Variants in AP1G1 observed in about 807,000 individuals in gnomAD.
The protein encoded by AP1G1 is adaptor related protein complex 1 subunit gamma 1, also known as AP-1 complex subunit gamma-1.
Under a neutral mutation model 108.3 loss-of-function variants are expected in AP1G1, and 7 were observed. The ratio of observed to expected loss-of-function variants is 0.06; its 90% CI spans 0.04 to 0.12. AP1G1 has a LOEUF of 0.12. AP1G1 is among the 10% of genes least tolerant of loss of function. The pLI is 1.00. For synonymous variants in AP1G1, 379 were observed against 353.5 expected, an observed-to-expected ratio of 1.07 and a Z score of -0.81; for missense variants, 756 against 1,010.7, an observed-to-expected ratio of 0.75 and a Z score of 3.42.
At chr16:71,779,993 TTG>T (rs2031945553) in intron 2 of AP1G1, among the ~76,000 whole-genome samples, 2 of 147,892 alleles carry the variant, frequency 1.4e-5, no homozygotes, top group African/African-American at 5.1e-5. Flanking sequence ...CAGTTTTTTT[TTG>T]TTTTTTTTTT....
rs1177153914 is a variant in AP1G1 at position 71,808,802 on chromosome 16, G to T, written c.-43C>A. On this transcript the variant is annotated 5_prime_UTR_variant, in exon 1 of 23. Coordinates refer to ENST00000299980, the MANE Select transcript of AP1G1 (RefSeq NM_001128.6). ...GAATGAAACCAGCAGCTCCGGGGGC[G>T]GCGGCAGCAGTGGCAGCAGGAACCG... is the stretch of plus-strand genomic sequence containing the variant. The T allele has an allele frequency of 1.0e-5, 13 of 1,289,712 alleles. No homozygotes were observed. Among genetic ancestry groups the T allele is most frequent in the African/African-American group, 3.0e-5 (2 of 65,992 alleles). 79.9% of individuals were successfully genotyped at this position (1,289,712 alleles called of 1,614,324 possible).
intron 19 of AP1G1, chr16:71,743,177 T>C (rs1483216664): frequency 6.6e-6 from 1 of 152,168 alleles, no homozygotes; most frequent in African/African-American, 2.4e-5. Flanking sequence ...CAGTACAGCT[T>C]TGACATTTGA....
chr16:71,805,317 G>A lies in AP1G1; in HGVS notation c.-4+3446C>T, dbSNP rs559262297. On this transcript the variant is annotated intron_variant, in intron 1 of 22. Transcript: ENST00000299980. ...ACAAAAATTAGCTGGGCATGGTGGC[G>A]CACGCTTGTAATCCCAGCTACTCGG... 6.6e-5 allele frequency among the ~76,000 whole-genome samples: 10 copies of A among 151,910 alleles called. No homozygotes were observed. In the East Asian group the frequency reaches 1.4e-3, roughly 21 times the overall value.
At chr16:71,769,569 C>A in intron 6 of AP1G1, 54 bp downstream of exon 6, 1 of 1,492,556 alleles carries the variant, frequency 6.7e-7, no homozygotes, top group Non-Finnish European at 9.3e-7. Flanking sequence ...ATGTACTTTT[C>A]AGGAAAATCA....
chr16:71,764,299 C>A, intron 9 of AP1G1, 51 bp downstream of exon 9: 1 of 1,113,708 alleles, frequency 9.0e-7, no homozygotes, highest in Non-Finnish European at 1.3e-6. Context: ...CCAAGTCAAC[C>A]ATTCTAAGTG....
intron 22 of AP1G1, among the ~76,000 whole-genome samples, chr16:71,733,624 C>G (rs1163552736): frequency 1.3e-5 from 2 of 152,106 alleles, no homozygotes; most frequent in African/African-American, 4.8e-5. Flanking sequence ...CCTCAGCCTC[C>G]TAAAATGCTG....
At chr16:71,739,913 A>G (rs1279048818) in intron 19 of AP1G1, among the ~76,000 whole-genome samples, 1 of 152,208 alleles carries the variant, frequency 6.6e-6, no homozygotes, top group Non-Finnish European at 1.5e-5. Flanking sequence ...GCAAGTCACA[A>G]AAGAGGAAAC....
intron 2 of AP1G1, among the ~76,000 whole-genome samples, chr16:71,778,651 C>A: frequency 6.8e-6 from 1 of 147,486 alleles, no homozygotes; most frequent in East Asian, 2.0e-4. Flanking sequence ...CCACTGCCCT[C>A]CAGCCAGGGC....
At chr16:71,785,969 C>G (rs1201716418) in intron 2 of AP1G1, among the ~76,000 whole-genome samples, 2 of 152,064 alleles carry the variant, frequency 1.3e-5, no homozygotes. Flanking sequence ...AGATATGAAC[C>G]TTTTAAAGGC....
At chr16:71,803,501 T>C (rs574748213) in intron 1 of AP1G1, among the ~76,000 whole-genome samples, 20 of 152,308 alleles carry the variant, frequency 1.3e-4, no homozygotes, top group Non-Finnish European at 2.2e-4. Context: ...ACTCAACACA[T>C]TTGGCAAGTG....
At chr16:71,776,137 G>A (rs887189827) in intron 2 of AP1G1, among the ~76,000 whole-genome samples, 3 of 152,172 alleles carry the variant, frequency 2.0e-5, no homozygotes, top group African/African-American at 4.8e-5. Context: ...CTAAAATCAC[G>A]TGAGACTACT....
chr16:71,799,794 G>A (rs1356971053), intron 1 of AP1G1, among the ~76,000 whole-genome samples: 1 of 151,934 alleles, frequency 6.6e-6, no homozygotes, highest in East Asian at 1.9e-4. Flanking sequence ...AGCTACTCGG[G>A]AGGCTGATGC....
intron 6 of AP1G1, chr16:71,767,814 T>C (rs2031376033): frequency 6.6e-6 from 10 of 1,511,574 alleles, no homozygotes; most frequent in South Asian, 1.1e-5. Context: ...TGTGGATCGA[T>C]ACACAAAAGC....
chr16:71,773,010 C>G, intron 4 of AP1G1: 1 of 663,002 alleles, frequency 1.5e-6, no homozygotes, highest in Non-Finnish European at 2.7e-6. Context: ...TGGTATGCCA[C>G]CTAGGATATA....
chr16:71,747,675 T>G (rs2030254835), intron 16 of AP1G1, among the ~76,000 whole-genome samples: 1 of 151,912 alleles, frequency 6.6e-6, no homozygotes, highest in Admixed American at 6.6e-5. Flanking sequence ...GTATTAGAAA[T>G]CTCATTCTAA....
At chr16:71,774,309 C>T in intron 3 of AP1G1, 159 bp downstream of exon 3, 1 of 679,034 alleles carries the variant, frequency 1.5e-6, no homozygotes, top group Non-Finnish European at 2.4e-6. Context: ...ACCAGACTGG[C>T]AGTTGGGGGA....
intron 2 of AP1G1, among the ~76,000 whole-genome samples, chr16:71,783,003 C>T (rs1471034391): frequency 1.3e-5 from 2 of 152,216 alleles, no homozygotes; most frequent in East Asian, 3.9e-4. Context: ...ACAGTCTAGG[C>T]TTAAGGATAG....
chr16:71,753,027 T>C (rs1340913932), intron 13 of AP1G1, among the ~76,000 whole-genome samples: 1 of 152,200 alleles, frequency 6.6e-6, no homozygotes, highest in East Asian at 1.9e-4. Flanking sequence ...AATTTGCCTT[T>C]TAAATCGTAG....
chr16:71,782,737 C>T (rs867867488), intron 2 of AP1G1, among the ~76,000 whole-genome samples: 9 of 151,688 alleles, frequency 5.9e-5, no homozygotes, highest in Middle Eastern at 6.8e-3. Flanking sequence ...CTGCCTGCCT[C>T]GGCCTCCCAA....
Sources: allele counts gnomAD v4.1 joint callset (sites outside exome capture counted in the v4.1 genomes callset), GRCh38; gene constraint gnomAD v4.1.1; transcripts MANE v1.5; gene names NCBI Gene and HGNC (gene_info 2026-07-23, HGNC 2026-07-21).